MGRN1: variants seen among roughly 807,000 people sequenced by gnomAD.
MGRN1 encodes mahogunin ring finger 1.
MGRN1 carries 29 observed loss-of-function variants against 69.2 expected under a neutral mutation model. The observed-to-expected ratio is 0.42, with a 90% CI of 0.31 to 0.57. MGRN1 has a LOEUF of 0.57. MGRN1 is among the 20% of genes least tolerant of loss of function. The pLI is 0.15. For synonymous variants in MGRN1, 470 were observed against 344.2 expected, an observed-to-expected ratio of 1.37 and a Z score of -4.04; for missense variants, 998 against 796.2, an observed-to-expected ratio of 1.25 and a Z score of -3.05.
chr16:4,646,866 C>T (rs527424794), intron 1 of MGRN1, among the ~76,000 whole-genome samples: 5 of 152,302 alleles, frequency 3.3e-5, no homozygotes, highest in African/African-American at 7.2e-5. Context: ...GGCTTCTGGA[C>T]CAGGGACCTG....
chr16:4,668,135 T>C (rs1425346933), intron 7 of MGRN1, 130 bp from the exon 8 acceptor site: 2 of 624,846 alleles, frequency 3.2e-6, no homozygotes, highest in Admixed American at 3.3e-5. Flanking sequence ...TTTTTTTTTT[T>C]TTTCTTTTTT....
At chr16:4,681,457 A>C in intron 12 of MGRN1, 93 bp from the exon 13 acceptor site, 1 of 1,261,852 alleles carries the variant, frequency 7.9e-7, no homozygotes, top group Non-Finnish European at 1.1e-6. Flanking sequence ...TCAATCCCCC[A>C]AAGAACAGAG....
Position 4,665,915 on chromosome 16 carries a change from C to G in MGRN1, c.678+764C>G, listed in dbSNP as rs142183351. Among the ~76,000 whole-genome samples, 965 of 151,412 alleles carry G rather than the reference C, an allele frequency of 6.4e-3. 8 individuals are homozygous for G. Among genetic ancestry groups the G allele is most frequent in the South Asian group, 0.027 (131 of 4,790 alleles). On this transcript the variant is annotated intron_variant, in intron 7 of 16. Coordinates refer to ENST00000262370, the MANE Select transcript of MGRN1 (RefSeq NM_015246.4). The stretch of plus-strand genomic sequence containing the variant: ...CATGATCTTGTCTCACTGCAGCCTA[C>G]GCCTCCCGGGTTCATGCCATTCTCC...
At chr16:4,684,064 A>T in intron 16 of MGRN1, 132 bp downstream of exon 16, 3 of 808,188 alleles carry the variant, frequency 3.7e-6, no homozygotes, top group Non-Finnish European at 3.9e-6. Flanking sequence ...CCTGGCTCTC[A>T]GCCATGCCCC....
chr16:4,644,309 T>G (rs566113765), intron 1 of MGRN1, among the ~76,000 whole-genome samples: 122 of 146,638 alleles, frequency 8.3e-4, no homozygotes, highest in African/African-American at 2.9e-3. Context: ...TTACCAGTTT[T>G]TTTTTTTTTT....
At position 4,681,566 on chromosome 16, in the gene MGRN1, C is replaced by T; in HGVS notation, c.1148C>T (p.Pro383Leu). Residue 383 changes from proline to leucine, a missense_variant, in exon 13 of 17, where the codon CCA becomes CTA. By Grantham distance (98) the Pro-to-Leu change is moderately conservative (BLOSUM62 -3). Coordinates refer to ENST00000262370, the MANE Select transcript of MGRN1 (RefSeq NM_015246.4). ...TCCCTACAGAACTCTGACAGCGTCC[C>T]ACCTGGCTACGAGCCCATCTCGCTG... is the stretch of plus-strand genomic sequence containing the variant. ...PKRETNSDSV[P>L]PGYEPISLLE... The T allele has an allele frequency of 1.2e-6, 2 of 1,613,024 alleles. No individual in the cohort carries two copies. Among genetic ancestry groups the T allele is most frequent in the Non-Finnish European group, 1.7e-6 (2 of 1,179,700 alleles).
chr16:4,637,803 C>T (rs770599790), intron 1 of MGRN1, among the ~76,000 whole-genome samples: 4 of 152,234 alleles, frequency 2.6e-5, no homozygotes, highest in Non-Finnish European at 5.9e-5. Context: ...AGGGAGAATT[C>T]GGATGGCCCA....
intron 10 of MGRN1, among the ~76,000 whole-genome samples, chr16:4,674,566 C>T (rs1279099929): frequency 6.2e-5 from 9 of 145,412 alleles, no homozygotes; most frequent in South Asian, 4.3e-4. Context: ...GAATTACAAG[C>T]GTGAGCCACC....
At chr16:4,653,304 G>C (rs1195956832) in intron 4 of MGRN1, among the ~76,000 whole-genome samples, 1 of 152,098 alleles carries the variant, frequency 6.6e-6, no homozygotes, top group Non-Finnish European at 1.5e-5. Context: ...GTGGGGGAAG[G>C]GGTGGGGCGC....
chr16:4,639,594 G>A (rs1297122270), intron 1 of MGRN1, among the ~76,000 whole-genome samples: 1 of 152,206 alleles, frequency 6.6e-6, no homozygotes. Context: ...GTCCCCAGAT[G>A]CACAGCGTCT....
At chr16:4,657,416 C>T in intron 5 of MGRN1, 53 bp downstream of exon 5, 2 of 1,551,170 alleles carry the variant, frequency 1.3e-6, no homozygotes, top group Non-Finnish European at 1.8e-6. Flanking sequence ...ATTCTCTCCC[C>T]TTGGGGGTGG....
chr16:4,632,007 CTT>C (rs869090061), intron 1 of MGRN1, among the ~76,000 whole-genome samples: 43 of 64,846 alleles, frequency 6.6e-4, no homozygotes, highest in African/African-American at 2.4e-3. Flanking sequence ...AAAAAATTTC[CTT>C]TTTTTTTTTT....
intron 9 of MGRN1, chr16:4,672,654 CTG>C (rs1398417740): frequency 8.7e-6 from 3 of 346,730 alleles, no homozygotes; most frequent in African/African-American, 6.5e-5. Context: ...GCAGCGGGGA[CTG>C]TATAAAAATG....
At chr16:4,686,054 GGCCAGTGC>G (rs1324970657) in intron 16 of MGRN1, among the ~76,000 whole-genome samples, 2 of 152,188 alleles carry the variant, frequency 1.3e-5, no homozygotes, top group Non-Finnish European at 2.9e-5. Context: ...GGAGGGGCAG[GGCCAGTGC>G]GCTCCTCCGC....
chr16:4,653,117 C>T (rs2141885752), intron 4 of MGRN1, among the ~76,000 whole-genome samples: 1 of 152,342 alleles, frequency 6.6e-6, no homozygotes, highest in Non-Finnish European at 1.5e-5. Context: ...AGATGCCACT[C>T]ATAAGCCCCC....
At chr16:4,677,427 C>T (rs1454760801) in intron 10 of MGRN1, 36 bp from the exon 11 acceptor site, 20 of 1,482,138 alleles carry the variant, frequency 1.3e-5, no homozygotes, top group South Asian at 6.5e-5. Flanking sequence ...CTGGGTGTGT[C>T]GCCTGGGCCT....
intron 8 of MGRN1, 106 bp from the exon 9 acceptor site, chr16:4,671,285 G>C (rs2078931489): frequency 2.8e-6 from 3 of 1,086,216 alleles, no homozygotes; most frequent in Non-Finnish European, 2.8e-6. Context: ...ACTGACCCCT[G>C]GTATGGAAGC....
chr16:4,686,063 G>A (rs116741626), intron 16 of MGRN1, among the ~76,000 whole-genome samples: 250 of 152,126 alleles, frequency 1.6e-3, no homozygotes, highest in African/African-American at 5.7e-3. Context: ...GGGCCAGTGC[G>A]CTCCTCCGCG....
intron 1 of MGRN1, among the ~76,000 whole-genome samples, chr16:4,647,313 C>T (rs536706745): frequency 6.6e-6 from 1 of 152,316 alleles, no homozygotes; most frequent in South Asian, 2.1e-4. Context: ...TGCCCTGAGG[C>T]ACGGGGTGCC....
Sources: allele counts gnomAD v4.1 joint callset (sites outside exome capture counted in the v4.1 genomes callset), GRCh38; gene constraint gnomAD v4.1.1; transcripts MANE v1.5; gene names NCBI Gene and HGNC (gene_info 2026-07-23, HGNC 2026-07-21).